The following ROBO2 variants were observed in gnomAD, a reference collection of about 807,000 sequenced individuals.
ROBO2 encodes roundabout homolog 2.
In ROBO2, 53 loss-of-function variants were observed where a neutral mutation model predicts 160.8. The observed-to-expected ratio is 0.33, with a 90% confidence interval of 0.26 to 0.41. The LOEUF (loss-of-function observed/expected upper bound fraction) is 0.41, where lower values mean the gene tolerates loss of function less well. Among genes scored for constraint, ROBO2 ranks in the 10% least tolerant of loss-of-function variants. The probability of loss-of-function intolerance (pLI) is 1.00; values close to 1 mark genes in which losing one functional copy is unlikely to be tolerated. For synonymous variants in ROBO2, 664 were observed against 611.7 expected (o/e 1.09, Z -1.26); for missense variants, 1,577 against 1,722.4 (o/e 0.92, Z 1.49).
intron 2 of ROBO2, among the ~76,000 whole-genome samples, chr3:77,263,015 T>C (rs2058876931): frequency 6.6e-6 from 1 of 152,186 alleles, no homozygotes; most frequent in Admixed American, 6.5e-5. Context: ...AATGCTTAGA[T>C]TGTCTGAGTA....
At chr3:77,647,207 T>C in exon 26 of ROBO2, 1 of 152,432 alleles carries the variant, frequency 6.6e-6, no homozygotes, top group East Asian at 1.9e-4. Context: ...CTTAAATTCA[T>C]GACTTAAAAA....
At chr3:75,972,795 T>C (rs1385820597) in intron 2 of ROBO2, among the ~76,000 whole-genome samples, 1 of 151,620 alleles carries the variant, frequency 6.6e-6, no homozygotes, top group Non-Finnish European at 1.5e-5. Flanking sequence ...CATTGCGTAG[T>C]GGAGTTTGAA....
At chr3:77,559,406 G>A (rs1198743093) in intron 9 of ROBO2, among the ~76,000 whole-genome samples, 2 of 152,158 alleles carry the variant, frequency 1.3e-5, no homozygotes, top group South Asian at 4.1e-4. Context: ...CAAGTGCTAT[G>A]TGAAAGCTGG....
At chr3:77,538,419 T>C (rs2092288011) in intron 6 of ROBO2, among the ~76,000 whole-genome samples, 1 of 151,964 alleles carries the variant, frequency 6.6e-6, no homozygotes, top group African/African-American at 2.4e-5. Context: ...CCTCATGATC[T>C]GCCCGCCTTG....
intron 8 of ROBO2, among the ~76,000 whole-genome samples, chr3:77,553,313 TAC>T (rs2092989645): frequency 6.6e-6 from 1 of 151,936 alleles, no homozygotes; most frequent in African/African-American, 2.4e-5. Flanking sequence ...CTGGTTTCTT[TAC>T]CCACTGGTTT....
chr3:76,130,337 T>C (rs957449919), intron 2 of ROBO2, among the ~76,000 whole-genome samples: 5 of 152,168 alleles, frequency 3.3e-5, no homozygotes, highest in African/African-American at 1.2e-4. Context: ...AATGCTTTTG[T>C]TTATGCCGCT....
At chr3:76,586,987 T>C (rs775762132) in intron 2 of ROBO2, among the ~76,000 whole-genome samples, 3 of 152,224 alleles carry the variant, frequency 2.0e-5, no homozygotes, top group Non-Finnish European at 4.4e-5. Context: ...TTGAGTTTGC[T>C]TTATACTTTT....
intron 2 of ROBO2, chr3:76,433,889 G>C: frequency 1.7e-6 from 1 of 586,666 alleles, no homozygotes; most frequent in South Asian, 2.1e-5. Context: ...TTTGAAGTTT[G>C]CAAGCTGTTT....
chr3:77,505,408 A>T (rs2088339618), intron 5 of ROBO2, among the ~76,000 whole-genome samples: 1 of 151,972 alleles, frequency 6.6e-6, no homozygotes, highest in South Asian at 2.1e-4. Flanking sequence ...TAATGCTGAG[A>T]TTTGTAACTT....
intron 2 of ROBO2, among the ~76,000 whole-genome samples, chr3:76,103,765 C>T (rs537457761): frequency 6.0e-4 from 91 of 152,298 alleles, no homozygotes; most frequent in African/African-American, 2.1e-3. Flanking sequence ...TGTTGTACTG[C>T]GTTTCTTGAT....
intron 2 of ROBO2, among the ~76,000 whole-genome samples, chr3:77,205,557 C>T (rs2083352378): frequency 1.3e-5 from 2 of 151,998 alleles, no homozygotes; most frequent in Admixed American, 6.6e-5. Context: ...GGCTTGAAAA[C>T]AGAAATGCCT....
intron 2 of ROBO2, among the ~76,000 whole-genome samples, chr3:76,501,333 C>T (rs1011442713): frequency 6.6e-6 from 1 of 152,174 alleles, no homozygotes; most frequent in African/African-American, 2.4e-5. Context: ...GACCCAAATA[C>T]TCCAGTAATG....
chr3:76,576,483 G>A (rs1249142271), intron 2 of ROBO2, among the ~76,000 whole-genome samples: 4 of 151,970 alleles, frequency 2.6e-5, no homozygotes, highest in African/African-American at 9.7e-5. Flanking sequence ...TTCTAGCTCT[G>A]CAAAGCATCC....
At chr3:76,459,565 G>A (rs2077972585) in intron 2 of ROBO2, among the ~76,000 whole-genome samples, 1 of 152,036 alleles carries the variant, frequency 6.6e-6, no homozygotes, top group Non-Finnish European at 1.5e-5. Context: ...ATATTGCATT[G>A]CGTGGTATAG....
At chr3:77,003,916 C>T (rs2061452233) in intron 2 of ROBO2, among the ~76,000 whole-genome samples, 1 of 152,118 alleles carries the variant, frequency 6.6e-6, no homozygotes, top group Non-Finnish European at 1.5e-5. Context: ...TTTTCTCTCT[C>T]TGCCTGGGAT....
intron 2 of ROBO2, among the ~76,000 whole-genome samples, chr3:76,701,825 A>T (rs944286566): frequency 2.0e-5 from 3 of 148,906 alleles, no homozygotes; most frequent in African/African-American, 7.4e-5. Flanking sequence ...ATATATAATT[A>T]CCTTGAGTAG....
intron 2 of ROBO2, among the ~76,000 whole-genome samples, chr3:76,693,046 C>T (rs2092839934): frequency 7.4e-6 from 1 of 134,282 alleles, no homozygotes; most frequent in African/African-American, 3.4e-5. Flanking sequence ...AAGTCTCTCT[C>T]CCTATATATA....
At chr3:76,487,356 G>C (rs1255823923) in intron 2 of ROBO2, among the ~76,000 whole-genome samples, 1 of 151,880 alleles carries the variant, frequency 6.6e-6, no homozygotes, top group Non-Finnish European at 1.5e-5. Context: ...TAACCTATGG[G>C]CTTAAAAGGG....
At chr3:76,672,892 TC>T (rs1335082242) in intron 2 of ROBO2, among the ~76,000 whole-genome samples, 1 of 152,204 alleles carries the variant, frequency 6.6e-6, no homozygotes, top group African/African-American at 2.4e-5. Flanking sequence ...TTTAAGCTTT[TC>T]TAATGTGTTA....
Sources: gnomAD v4.1 joint callset for allele counts (sites outside exome capture counted in the v4.1 genomes callset) on GRCh38, gnomAD v4.1.1 for gene constraint, MANE v1.5 for transcripts, NCBI Gene and HGNC (gene_info 2026-07-23, HGNC 2026-07-21) for gene names.